The following TOGARAM2 variants were observed in gnomAD, a reference collection of about 807,000 sequenced individuals.
TOGARAM2 encodes TOG array regulator of axonemal microtubules 2.
In TOGARAM2, 85 loss-of-function variants were observed where a neutral mutation model predicts 93.3. That is an observed-to-expected ratio of 0.91 (90% CI 0.76 to 1.09). The LOEUF is 1.09. Ranked by LOEUF, TOGARAM2 falls within the 50% of genes least tolerant of loss-of-function variation. The pLI is 0.00. For missense variants in TOGARAM2, 1,277 were observed against 1,334.5 expected (o/e 0.96, Z 0.67); for synonymous variants, 593 against 552.8 (o/e 1.07, Z -1.02).
chr2:29,027,349 T>C (rs964832752), intron 14 of TOGARAM2, among the ~76,000 whole-genome samples: 2 of 152,228 alleles, frequency 1.3e-5, no homozygotes, highest in Non-Finnish European at 2.9e-5. Flanking sequence ...CTTTTTCTTA[T>C]TAAGGACACA....
chr2:29,005,898 TGA>T (rs979366842), intron 6 of TOGARAM2, among the ~76,000 whole-genome samples: 2 of 149,364 alleles, frequency 1.3e-5, no homozygotes, highest in Admixed American at 1.3e-4. Context: ...TGTATGTGTG[TGA>T]GTGCGTGTGT....
At chr2:28,995,409 C>T (rs1430477966) in intron 2 of TOGARAM2, among the ~76,000 whole-genome samples, 1 of 152,192 alleles carries the variant, frequency 6.6e-6, no homozygotes, top group Non-Finnish European at 1.5e-5. Context: ...GCTGCTTCAT[C>T]CTGCATGGGC....
intron 1 of TOGARAM2, among the ~76,000 whole-genome samples, chr2:28,967,901 C>G (rs543732744): frequency 6.7e-6 from 1 of 149,820 alleles, no homozygotes; most frequent in Non-Finnish European, 1.5e-5. Context: ...ACACTGCAAC[C>G]TCCCCCTCCT....
chr2:29,037,948 T>C (rs919780237), intron 18 of TOGARAM2, among the ~76,000 whole-genome samples: 3 of 152,214 alleles, frequency 2.0e-5, no homozygotes, highest in African/African-American at 4.8e-5. Flanking sequence ...TTTAGCTATT[T>C]GAAGAGGATA....
chr2:29,040,744 C>T (rs1666381500), intron 18 of TOGARAM2, among the ~76,000 whole-genome samples: 1 of 152,144 alleles, frequency 6.6e-6, no homozygotes, highest in Non-Finnish European at 1.5e-5. Context: ...CAGGCAGTTG[C>T]GATTTTCCTG....
chr2:29,011,683 A>G (rs1380521175), intron 7 of TOGARAM2, among the ~76,000 whole-genome samples, 182 bp downstream of exon 7: 1 of 152,102 alleles, frequency 6.6e-6, no homozygotes, highest in East Asian at 1.9e-4. Flanking sequence ...GGCCCGGGCG[A>G]GGTGTGGAAG....
At chr2:29,021,803 G>A (rs1664962980) in intron 10 of TOGARAM2, among the ~76,000 whole-genome samples, 1 of 151,764 alleles carries the variant, frequency 6.6e-6, no homozygotes, top group African/African-American at 2.4e-5. Context: ...ATGGCTCAGG[G>A]GGCCCCACCC....
At chr2:29,029,248 T>C (rs532409042) in intron 14 of TOGARAM2, among the ~76,000 whole-genome samples, 101 of 142,912 alleles carry the variant, frequency 7.1e-4, no homozygotes, top group African/African-American at 2.5e-3. Flanking sequence ...GTGATATGTA[T>C]GTATGTATGT....
intron 17 of TOGARAM2, 64 bp from the exon 18 acceptor site, chr2:29,036,477 T>A: frequency 6.5e-7 from 1 of 1,537,984 alleles, no homozygotes. Flanking sequence ...CCAAGCTGCC[T>A]GCACTGTGGG....
Position 29,026,899 on chromosome 2 carries a change from G to C in TOGARAM2, c.1900G>C (p.Ala634Pro). The change falls in exon 14 of 20, where the codon GCT becomes CCT. Residue 634 changes from alanine to proline, a missense_variant. By Grantham distance (27) the Ala-to-Pro change is conservative. Transcript: ENST00000379558. ...IRKYAAEHLSAVLEQIGAEKL... is the reference protein window; with the variant it reads ...IRKYAAEHLSPVLEQIGAEKL... ...GAAATACGCGGCTGAGCACCTCTCA[G>C]CTGTGCTGGAGCAGATCGGCGCTGA... 1.3e-6 allele frequency: 2 copies of C among 1,592,734 alleles called. No homozygotes were observed. Among genetic ancestry groups the C allele is most frequent in the East Asian group, 2.3e-5 (1 of 43,764 alleles).
intron 1 of TOGARAM2, among the ~76,000 whole-genome samples, chr2:28,987,566 G>T (rs1471918560): frequency 3.3e-5 from 5 of 152,174 alleles, no homozygotes; most frequent in African/African-American, 1.2e-4. Flanking sequence ...TGGGATTACA[G>T]GTGTGAGCCA....
intron 1 of TOGARAM2, among the ~76,000 whole-genome samples, chr2:28,982,329 G>C (rs896980415): frequency 3.9e-5 from 6 of 152,182 alleles, no homozygotes; most frequent in African/African-American, 7.2e-5. Context: ...ACCTCAGAGG[G>C]CTGCCATTTC....
rs566007537 is a variant in TOGARAM2, at chr2:29,040,809, G to A, written c.2635+4052G>A. 3.3e-5 allele frequency among the ~76,000 whole-genome samples: 5 copies of A among 152,264 alleles called. No individual in the cohort carries two copies. In the East Asian group the frequency reaches 7.7e-4, roughly 23 times the overall value. On this transcript the variant is annotated intron_variant, in intron 18 of 19. Coordinates refer to ENST00000379558, the MANE Select transcript of TOGARAM2 (RefSeq NM_199280.4). ...TCTCCCATTCAGCCTGCTGCCACTA[G>A]ACTCTCTCCCCTGTAGGTAAGCCCC... is the stretch of plus-strand genomic sequence containing the variant.
At chr2:28,995,878 T>C (rs1047311806) in intron 2 of TOGARAM2, among the ~76,000 whole-genome samples, 3 of 152,172 alleles carry the variant, frequency 2.0e-5, no homozygotes, top group South Asian at 2.1e-4. Context: ...TAGGTCCCCA[T>C]GGATGGTCCT....
intron 11 of TOGARAM2, 56 bp downstream of exon 11, chr2:29,022,364 A>G: frequency 5.6e-6 from 9 of 1,594,096 alleles, no homozygotes; most frequent in Non-Finnish European, 6.8e-6. Context: ...GGGCTGTTGC[A>G]GAATAGCTTC....
chr2:29,022,583 G>A (rs1051254341), intron 11 of TOGARAM2, among the ~76,000 whole-genome samples: 1 of 152,218 alleles, frequency 6.6e-6, no homozygotes, highest in Non-Finnish European at 1.5e-5. Context: ...AGCCAGGCAT[G>A]GCAAGGATGC....
At chr2:28,966,805 A>G (rs1180525114) in intron 1 of TOGARAM2, among the ~76,000 whole-genome samples, 1 of 152,144 alleles carries the variant, frequency 6.6e-6, no homozygotes, top group African/African-American at 2.4e-5. Context: ...GCACCACATG[A>G]TGGTTTATAA....
At chr2:28,990,747 G>A (rs955378197) in intron 1 of TOGARAM2, among the ~76,000 whole-genome samples, 7 of 152,036 alleles carry the variant, frequency 4.6e-5, no homozygotes, top group African/African-American at 4.8e-5. Context: ...GACAGTGAAC[G>A]TTCACCTTCT....
chr2:28,993,421 A>G (rs1672834579), intron 1 of TOGARAM2, among the ~76,000 whole-genome samples: 1 of 152,166 alleles, frequency 6.6e-6, no homozygotes, highest in Admixed American at 6.5e-5. Context: ...CTGCCTGGCC[A>G]ATCTCTTGAG....
Sources: gnomAD v4.1 joint callset for allele counts (sites outside exome capture counted in the v4.1 genomes callset) on GRCh38, gnomAD v4.1.1 for gene constraint, MANE v1.5 for transcripts, NCBI Gene and HGNC (gene_info 2026-07-23, HGNC 2026-07-21) for gene names.